The following MCPH1 variants were observed in gnomAD, a reference collection of about 807,000 sequenced individuals.
MCPH1 encodes the protein microcephalin.
Under a neutral mutation model 84.5 loss-of-function variants are expected in MCPH1, and 104 were observed. The ratio of observed to expected loss-of-function variants is 1.23; its 90% CI spans 1.05 to 1.45. The LOEUF (loss-of-function observed/expected upper bound fraction) is 1.45. Ranked by LOEUF, MCPH1 falls within the 40% of genes most tolerant of loss-of-function variation. The pLI, the probability that MCPH1 is intolerant of heterozygous loss-of-function variation, is 0.00. For synonymous variants in MCPH1, 514 were observed against 366.8 expected (o/e 1.40, Z -4.58); for missense variants, 1,498 against 1,005.7 (o/e 1.49, Z -6.62).
At chr8:6,519,194 A>G (rs1287416195) in intron 12 of MCPH1, among the ~76,000 whole-genome samples, 1 of 152,212 alleles carries the variant, frequency 6.6e-6, no homozygotes, top group African/African-American at 2.4e-5. Flanking sequence ...AGCGGTTCTC[A>G]TGGTGTGGAC....
chr8:6,625,141 C>A, intron 13 of MCPH1: 1 of 968,202 alleles, frequency 1.0e-6, no homozygotes, highest in African/African-American at 1.8e-5. Flanking sequence ...TCCCAAAGTG[C>A]TGGGATTACA....
chr8:6,524,609 G>A (rs1358836847), intron 12 of MCPH1, among the ~76,000 whole-genome samples: 2 of 152,182 alleles, frequency 1.3e-5, no homozygotes, highest in Admixed American at 1.3e-4. Context: ...CATGTACGAG[G>A]TGTTTTTTAG....
chr8:6,593,432 G>T (rs912337071), intron 12 of MCPH1, among the ~76,000 whole-genome samples: 1 of 151,928 alleles, frequency 6.6e-6, no homozygotes, highest in Admixed American at 6.6e-5. Context: ...TTGGCTCCCT[G>T]CAACCTCTGC....
intron 11 of MCPH1, among the ~76,000 whole-genome samples, chr8:6,485,625 C>T (rs887001464): frequency 1.3e-5 from 2 of 152,120 alleles, no homozygotes; most frequent in African/African-American, 4.8e-5. Context: ...GGCAAAACGT[C>T]ACAAATGTAT....
chr8:6,587,126 G>A (rs778103496), intron 12 of MCPH1, among the ~76,000 whole-genome samples: 4 of 152,018 alleles, frequency 2.6e-5, no homozygotes, highest in Admixed American at 6.5e-5. Context: ...CTGAGTATGC[G>A]TGCACGTCTC....
chr8:6,447,675 G>A (rs922490132), intron 8 of MCPH1, among the ~76,000 whole-genome samples: 18 of 151,894 alleles, frequency 1.2e-4, no homozygotes, highest in African/African-American at 3.1e-4. Context: ...TCAGCCTCCC[G>A]AGTAACTGGG....
chr8:6,545,646 C>T (rs1822453861), intron 12 of MCPH1, among the ~76,000 whole-genome samples: 1 of 152,202 alleles, frequency 6.6e-6, no homozygotes, highest in Non-Finnish European at 1.5e-5. Flanking sequence ...AAGGCATTTG[C>T]TCTTGGAAGA....
At chr8:6,476,653 A>C (rs59635757) in intron 9 of MCPH1, among the ~76,000 whole-genome samples, 2 of 152,094 alleles carry the variant, frequency 1.3e-5, no homozygotes, top group Non-Finnish European at 2.9e-5. Context: ...TCCTTCCCCA[A>C]ATACGTAGTA....
intron 12 of MCPH1, among the ~76,000 whole-genome samples, chr8:6,535,467 C>G (rs958869434): frequency 1.6e-4 from 24 of 152,248 alleles, no homozygotes; most frequent in African/African-American, 5.8e-4. Flanking sequence ...TTTAGCTATT[C>G]AGGATGACTA....
At chr8:6,477,678 T>A (rs1302195402) in intron 10 of MCPH1, 47 bp downstream of exon 10, 2 of 1,526,180 alleles carry the variant, frequency 1.3e-6, no homozygotes, top group Non-Finnish European at 1.8e-6. Context: ...GTTAACCTTT[T>A]CTCTCTTATA....
At chr8:6,614,854 C>T (rs13249496) in intron 12 of MCPH1, among the ~76,000 whole-genome samples, 1 of 152,110 alleles carries the variant, frequency 6.6e-6, no homozygotes, top group African/African-American at 2.4e-5. Context: ...TTCATTCTGT[C>T]TTGAATCTCC....
Position 6,464,231 on chromosome 8 carries a change from A to C in MCPH1, c.1935+8979A>C, listed in dbSNP as rs750072427. On this transcript the variant is annotated intron_variant, in intron 9 of 13. Coordinates refer to ENST00000344683, the MANE Select transcript of MCPH1 (RefSeq NM_024596.5). The stretch of plus-strand genomic sequence containing the variant: ...TGATCTGTAATTGCTTTGATAAATC[A>C]CTTTTGGCAGAGTGTACCCAGAGCT... Among the ~76,000 whole-genome samples the C allele has an allele frequency of 3.4e-4, 52 of 152,062 alleles. 1 individual carries two copies. Among genetic ancestry groups the C allele is most frequent in the Admixed American group, 3.3e-4 (5 of 15,280 alleles).
At chr8:6,555,211 G>A (rs2515502) in intron 12 of MCPH1, among the ~76,000 whole-genome samples, 151,362 of 152,242 alleles carry the variant, frequency 0.99, 75,249 homozygotes, top group Middle Eastern at 1. Context: ...TGGTGATCCA[G>A]TCTGTAGAAT....
intron 12 of MCPH1, among the ~76,000 whole-genome samples, chr8:6,544,014 C>A (rs1376825897): frequency 6.6e-6 from 1 of 152,130 alleles, no homozygotes; most frequent in East Asian, 1.9e-4. Context: ...ATCTGATCAG[C>A]AGTAGAATGT....
intron 12 of MCPH1, among the ~76,000 whole-genome samples, chr8:6,531,323 C>G (rs929909472): frequency 6.7e-6 from 1 of 148,498 alleles, no homozygotes; most frequent in African/African-American, 2.5e-5. Context: ...AAGTCTCACT[C>G]TGTTGCCCAG....
intron 12 of MCPH1, among the ~76,000 whole-genome samples, chr8:6,586,832 C>A (rs1828022807): frequency 6.6e-6 from 1 of 152,216 alleles, no homozygotes; most frequent in African/African-American, 2.4e-5. Flanking sequence ...GATTAGGACA[C>A]TTACCACCTG....
At position 6,601,522 on chromosome 8, in the gene MCPH1, GACAC is replaced by G. The variant is rs144757663; in HGVS notation, c.2215-19911_2215-19908del. On this transcript the variant is annotated intron_variant, in intron 12 of 13. Coordinates refer to ENST00000344683, the MANE Select transcript of MCPH1 (RefSeq NM_024596.5). ...CCCCTACCTGTCCTCCATCATATGG[GACAC>G]ACACACACACACACACACACCCCTA... 4.1e-3 allele frequency among the ~76,000 whole-genome samples: 595 copies of G among 144,076 alleles called. 7 individuals carry two copies. The highest frequency in any genetic ancestry group is 0.014 in the African/African-American group (529 of 37,804). The allele number at this position is 144,076 out of a possible 152,430, so 94.5% of individuals were successfully genotyped here. A position where few individuals can be genotyped will look rare whatever the true frequency, so the allele number is the denominator to read the frequency against.
chr8:6,520,445 G>A (rs1327245635), intron 12 of MCPH1, among the ~76,000 whole-genome samples: 2 of 152,106 alleles, frequency 1.3e-5, no homozygotes, highest in East Asian at 3.8e-4. Context: ...AGGACATAGT[G>A]GGGTGCAGTG....
intron 12 of MCPH1, among the ~76,000 whole-genome samples, chr8:6,559,324 C>T (rs986782270): frequency 6.6e-6 from 1 of 152,096 alleles, no homozygotes; most frequent in African/African-American, 2.4e-5. Context: ...CCCTCACCAT[C>T]CATTTCTCCC....
Sources: allele counts gnomAD v4.1 joint callset (sites outside exome capture counted in the v4.1 genomes callset), GRCh38; gene constraint gnomAD v4.1.1; transcripts MANE v1.5; gene names NCBI Gene and HGNC (gene_info 2026-07-23, HGNC 2026-07-21).